Variants in GFOD2 observed in about 807,000 individuals in gnomAD.
GFOD2 encodes glucose-fructose oxidoreductase domain-containing protein 2.
A neutral mutation model predicts 24.6 loss-of-function variants in GFOD2; 9 were observed. The ratio of observed to expected loss-of-function variants is 0.37; its 90% CI spans 0.22 to 0.64. The LOEUF (loss-of-function observed/expected upper bound fraction) is 0.64. Among genes scored for constraint, GFOD2 ranks in the 30% least tolerant of loss-of-function variants. The probability of loss-of-function intolerance (pLI) is 0.65; values close to 1 mark genes in which losing one functional copy is unlikely to be tolerated. For missense variants in GFOD2, 476 were observed against 532.5 expected (o/e 0.89, Z 1.04); for synonymous variants, 211 against 224.8 (o/e 0.94, Z 0.55).
intron 1 of GFOD2, among the ~76,000 whole-genome samples, chr16:67,707,560 CA>C (rs1258892261): frequency 1.3e-5 from 2 of 151,634 alleles, no homozygotes; most frequent in Non-Finnish European, 2.9e-5. Flanking sequence ...CATAAGTCCA[CA>C]AAAAAAATTA....
chr16:67,677,454 A>G (rs1040175740), intron 2 of GFOD2: 2 of 152,018 alleles, frequency 1.3e-5, no homozygotes, highest in Non-Finnish European at 2.9e-5. Context: ...CAGGTGATCC[A>G]CCCGCCTTGG....
rs568332673 is a variant in GFOD2 at position 67,683,289 on chromosome 16, C to T, written c.259+2168G>A. 1.4e-5 allele frequency: 16 copies of T among 1,183,696 alleles called. No individual in the cohort carries two copies. The Admixed American group carries it at 1.4e-4, about 10-fold the overall frequency. 73.3% of individuals were successfully genotyped at this position (1,183,696 alleles called of 1,614,324 possible). A position where few individuals can be genotyped will look rare whatever the true frequency, so the allele number is the denominator to read the frequency against. ...AACCCTGGGGTTTCCTCTTTCTTCCCGTATAGCTTGGAAATGGTCTCTGTG... is the reference window on the plus strand; with the variant it reads ...AACCCTGGGGTTTCCTCTTTCTTCCTGTATAGCTTGGAAATGGTCTCTGTG... On this transcript the variant is annotated intron_variant, in intron 2 of 2. Transcript: ENST00000268797.
intron 2 of GFOD2, chr16:67,677,207 A>G (rs572719291): frequency 2.3e-4 from 35 of 152,124 alleles, no homozygotes; most frequent in East Asian, 1.9e-3. Flanking sequence ...CACTCCTCCA[A>G]AATTTTCTTT....
At chr16:67,717,891 AG>A (rs1227707560) in intron 1 of GFOD2, among the ~76,000 whole-genome samples, 1 of 152,254 alleles carries the variant, frequency 6.6e-6, no homozygotes, top group African/African-American at 2.4e-5. Flanking sequence ...CTCTCACAAC[AG>A]AATCTTTATC....
rs373673601 is a variant in GFOD2, at chr16:67,675,308, G to A, written c.1005C>T (p.Ala335=). 1.1e-5 allele frequency: 18 copies of A among 1,612,954 alleles called. No homozygotes were observed. The highest frequency in any genetic ancestry group is 1.6e-4 in the Middle Eastern group (1 of 6,062). Residue 335 remains alanine (A), a synonymous_variant, in exon 3 of 3, where the codon GCC becomes GCT. Coordinates refer to ENST00000268797, the MANE Select transcript of GFOD2 (RefSeq NM_030819.4). The part of the protein sequence containing the change: ...RTWDRTPVSM[A]ASFEDGLYMQ... ...TGTACAGCCCATCCTCGAAGGAGGCGGCCATGGAGACAGGGGTGCGGTCCC... is the reference window on the plus strand; with the variant it reads ...TGTACAGCCCATCCTCGAAGGAGGCAGCCATGGAGACAGGGGTGCGGTCCC...
At chr16:67,693,709 C>T (rs1348720736) in intron 1 of GFOD2, among the ~76,000 whole-genome samples, 1 of 152,150 alleles carries the variant, frequency 6.6e-6, no homozygotes, top group African/African-American at 2.4e-5. Context: ...ACTTCATCAT[C>T]ATTCCATACT....
intron 1 of GFOD2, among the ~76,000 whole-genome samples, chr16:67,708,339 G>T (rs2053452049): frequency 6.6e-6 from 1 of 152,174 alleles, no homozygotes; most frequent in African/African-American, 2.4e-5. Flanking sequence ...ATCGGTACAG[G>T]CTGGGGCCAA....
At chr16:67,689,585 T>C (rs1298254331) in intron 1 of GFOD2, among the ~76,000 whole-genome samples, 1 of 151,832 alleles carries the variant, frequency 6.6e-6, no homozygotes, top group African/African-American at 2.4e-5. Flanking sequence ...ACAGGAGAAT[T>C]GCTGGAACCC....
At chr16:67,693,437 A>AT (rs1218477491) in intron 1 of GFOD2, among the ~76,000 whole-genome samples, 1 of 151,882 alleles carries the variant, frequency 6.6e-6, no homozygotes, top group Non-Finnish European at 1.5e-5. Flanking sequence ...TACCTGGCTA[A>AT]TTTTTTGTGT....
intron 2 of GFOD2, chr16:67,682,523 T>C: frequency 1.0e-6 from 1 of 985,226 alleles, no homozygotes; most frequent in Non-Finnish European, 1.2e-6. Context: ...GCCCTTCCCC[T>C]CTCCCCTTTA....
intron 1 of GFOD2, among the ~76,000 whole-genome samples, chr16:67,704,506 T>C (rs1485475340): frequency 6.6e-6 from 1 of 152,182 alleles, no homozygotes; most frequent in Non-Finnish European, 1.5e-5. Flanking sequence ...CACAGAAGTA[T>C]ACTAGCTCTA....
chr16:67,694,233 G>T (rs980102023), intron 1 of GFOD2, among the ~76,000 whole-genome samples: 2 of 152,104 alleles, frequency 1.3e-5, no homozygotes, highest in African/African-American at 4.8e-5. Context: ...CTGACCTCAG[G>T]TGATCCGCTC....
chr16:67,706,123 C>T (rs937819405), intron 1 of GFOD2, among the ~76,000 whole-genome samples: 18 of 151,526 alleles, frequency 1.2e-4, no homozygotes, highest in Admixed American at 3.3e-4. Flanking sequence ...ATTACAGACG[C>T]GTGCCACCAC....
intron 1 of GFOD2, among the ~76,000 whole-genome samples, chr16:67,695,748 C>A (rs936468865): frequency 1.3e-5 from 2 of 151,892 alleles, no homozygotes; most frequent in Non-Finnish European, 2.9e-5. Context: ...ATTGGCCAGG[C>A]TGGTCTCGAA....
intron 1 of GFOD2, among the ~76,000 whole-genome samples, chr16:67,692,846 A>G (rs1401842246): frequency 2.0e-5 from 3 of 151,712 alleles, no homozygotes; most frequent in African/African-American, 7.3e-5. Flanking sequence ...CTAACATGGT[A>G]AAACCCCGTC....
intron 1 of GFOD2, among the ~76,000 whole-genome samples, chr16:67,696,107 A>T (rs2053357047): frequency 2.0e-5 from 3 of 148,976 alleles, no homozygotes; most frequent in Non-Finnish European, 4.5e-5. Context: ...TCCACCTCCC[A>T]GGTTCAAGCG....
At chr16:67,704,470 G>A (rs2053426141) in intron 1 of GFOD2, among the ~76,000 whole-genome samples, 1 of 152,062 alleles carries the variant, frequency 6.6e-6, no homozygotes, top group African/African-American at 2.4e-5. Context: ...TTGGATTAGT[G>A]ATTTCAAGTA....
intron 1 of GFOD2, among the ~76,000 whole-genome samples, chr16:67,700,639 G>A (rs1408586718): frequency 6.6e-6 from 1 of 150,884 alleles, no homozygotes; most frequent in African/African-American, 2.4e-5. Flanking sequence ...TTGAAGTCGT[G>A]AGGTAGAGGT....
intron 2 of GFOD2, chr16:67,682,600 A>C (rs2053235461): frequency 1.0e-6 from 1 of 985,342 alleles, no homozygotes; most frequent in African/African-American, 1.7e-5. Context: ...GGTCAGACCA[A>C]AGCAGAAAAC....
Sources: gnomAD v4.1 joint callset for allele counts (sites outside exome capture counted in the v4.1 genomes callset) on GRCh38, gnomAD v4.1.1 for gene constraint, MANE v1.5 for transcripts, NCBI Gene and HGNC (gene_info 2026-07-23, HGNC 2026-07-21) for gene names.